Variants in CORO2B observed in about 807,000 individuals in gnomAD.
CORO2B encodes coronin 2B, also known as coronin-2B.
A neutral mutation model predicts 58.8 loss-of-function variants in CORO2B; 26 were observed. That is an observed-to-expected ratio of 0.44 (90% CI 0.32 to 0.61). The LOEUF (loss-of-function observed/expected upper bound fraction) is 0.61, where lower values mean the gene tolerates loss of function less well. Among genes scored for constraint, CORO2B ranks in the 20% least tolerant of loss-of-function variants. The probability of loss-of-function intolerance (pLI) is 0.04; values close to 1 mark genes in which losing one functional copy is unlikely to be tolerated. For synonymous variants in CORO2B, 242 were observed against 253.8 expected (o/e 0.95, Z 0.44); for missense variants, 460 against 645.1 (o/e 0.71, Z 3.11).
rs993478500 is a variant in CORO2B, at chr15:68,680,383, C to T, written c.217-14757C>T. Among the ~76,000 whole-genome samples, 4 of 152,170 alleles carry T rather than the reference C, an allele frequency of 2.6e-5. No homozygotes were observed. The South Asian group carries it at 6.2e-4, about 24-fold the overall frequency. ...TGTGGATAATCTCTTGGGAGGGCAA[C>T]AAACACCCGTGAAATAAAGCAAACA... On this transcript the variant is annotated intron_variant, in intron 2 of 11. Coordinates refer to ENST00000261861, the MANE Select transcript of CORO2B (RefSeq NM_006091.5).
chr15:68,584,669 A>G (rs1899507852), intron 1 of CORO2B, among the ~76,000 whole-genome samples: 1 of 152,176 alleles, frequency 6.6e-6, no homozygotes, highest in African/African-American at 2.4e-5. Context: ...TCTGGTGTCC[A>G]GGAGATGAGA....
In CORO2B at chr15:68,726,305, G is replaced by A. The variant is rs576343529; in HGVS notation, c.*331G>A. The A allele has an allele frequency of 1.5e-5, 5 of 335,916 alleles. No individual in the cohort carries two copies. The highest frequency in any genetic ancestry group is 5.3e-5 in the South Asian group (2 of 37,460). 20.8% of individuals were successfully genotyped at this position (335,916 alleles called of 1,614,324 possible). ...TGGACCAGGAAGCAAGAGGGGAAGC[G>A]GGATCCCAGCTAGACTTAGAACTTG... On this transcript the variant is annotated 3_prime_UTR_variant, in exon 12 of 12. Coordinates refer to ENST00000261861, the MANE Select transcript of CORO2B (RefSeq NM_006091.5).
rs71455600 is a variant in CORO2B, at chr15:68,669,187, GAAGC to G, written c.216+23848_216+23851del. Reference sequence around the variant, plus strand: ...AAGAAAGAAAAGAAAAGAAAGAAAGGAAGCAAGCAAGCAAGCAAGCAAGCCGGAG... The same window carrying G: ...AAGAAAGAAAAGAAAAGAAAGAAAGGAAGCAAGCAAGCAAGCAAGCCGGAG... On this transcript the variant is annotated intron_variant, in intron 2 of 11. Transcript: ENST00000261861. Among the ~76,000 whole-genome samples the G allele has an allele frequency of 7.9e-3, 1,196 of 151,650 alleles. 10 individuals are homozygous for G. The highest frequency in any genetic ancestry group is 0.019 in the African/African-American group (793 of 41,334).
intron 2 of CORO2B, among the ~76,000 whole-genome samples, chr15:68,688,174 G>A (rs1318527807): frequency 1.3e-5 from 2 of 152,148 alleles, no homozygotes; most frequent in Non-Finnish European, 2.9e-5. Context: ...TTCAATCAAG[G>A]CTATGGGAGG....
intron 11 of CORO2B, among the ~76,000 whole-genome samples, chr15:68,720,570 A>T (rs1893137154): frequency 6.6e-6 from 1 of 152,210 alleles, no homozygotes; most frequent in East Asian, 1.9e-4. Flanking sequence ...TGCTGCTAGG[A>T]CTCATGTCCT....
intron 1 of CORO2B, among the ~76,000 whole-genome samples, chr15:68,582,717 C>T (rs985927033): frequency 2.0e-5 from 3 of 152,168 alleles, no homozygotes; most frequent in Admixed American, 6.5e-5. Context: ...CCTTGCAACC[C>T]GCTTTGTACT....
chr15:68,575,342 CT>C (rs147492952), upstream of CORO2B, among the ~76,000 whole-genome samples: 31,151 of 143,228 alleles, frequency 0.22, 4,050 homozygotes, highest in Middle Eastern at 0.39. Context: ...ACACCTTTTT[CT>C]TTTTTTTTTT....
intron 2 of CORO2B, among the ~76,000 whole-genome samples, chr15:68,671,536 T>C (rs1902394610): frequency 1.3e-5 from 2 of 152,240 alleles, no homozygotes; most frequent in African/African-American, 2.4e-5. Context: ...AAAATGTGGC[T>C]GGGTAGTTCT....
intron 1 of CORO2B, among the ~76,000 whole-genome samples, chr15:68,605,298 AT>A (rs1900082100): frequency 6.6e-6 from 1 of 152,220 alleles, no homozygotes; most frequent in Non-Finnish European, 1.5e-5. Flanking sequence ...AGCCATAAAA[AT>A]GTCCATATCC....
chr15:68,605,926 A>G (rs1379095386), intron 1 of CORO2B, among the ~76,000 whole-genome samples: 5 of 151,960 alleles, frequency 3.3e-5, no homozygotes, highest in Non-Finnish European at 5.9e-5. Context: ...GGGTTTCACC[A>G]TGTTGGTCAG....
chr15:68,531,500 AAAGGAAGGAAGGAAGGAAGGAAGGAAGG>A, the CORO2B span, among the ~76,000 whole-genome samples: 69 of 113,852 alleles, frequency 6.1e-4, no homozygotes, highest in African/African-American at 1.0e-3. Context: ...GTATCTCAAA[AAAGGAAGGAAGGAAGGAAGGAAGGAAGG>A]AAGGAAGGAA....
chr15:68,520,945 A>G, the CORO2B span, among the ~76,000 whole-genome samples: 16 of 152,172 alleles, frequency 1.1e-4, no homozygotes, highest in African/African-American at 3.9e-4. Context: ...GCTACTTGGG[A>G]GGCTGAAGCA....
chr15:68,625,068 C>A (rs1900637571), intron 1 of CORO2B, among the ~76,000 whole-genome samples: 1 of 152,192 alleles, frequency 6.6e-6, no homozygotes, highest in Non-Finnish European at 1.5e-5. Flanking sequence ...ACTGTATGCC[C>A]AGGGTCCCTT....
intron 1 of CORO2B, among the ~76,000 whole-genome samples, chr15:68,635,365 C>T (rs1425712767): frequency 6.6e-6 from 1 of 152,220 alleles, no homozygotes; most frequent in Non-Finnish European, 1.5e-5. Flanking sequence ...AGCTCCACCG[C>T]CCCTCTCTGC....
At chr15:68,595,581 G>A (rs1899805760) in intron 1 of CORO2B, among the ~76,000 whole-genome samples, 1 of 152,202 alleles carries the variant, frequency 6.6e-6, no homozygotes, top group African/African-American at 2.4e-5. Flanking sequence ...TCTGTTCTCA[G>A]CTCTGTGACT....
chr15:68,589,910 G>A (rs62002124), intron 1 of CORO2B, among the ~76,000 whole-genome samples: 8,603 of 152,296 alleles, frequency 0.056, 298 homozygotes, highest in Non-Finnish European at 0.081. Context: ...GGCTGCCCAG[G>A]CCTGGCAGTG....
chr15:68,534,935 C>A, the CORO2B span, among the ~76,000 whole-genome samples: 1 of 152,156 alleles, frequency 6.6e-6, no homozygotes, highest in Non-Finnish European at 1.5e-5. Flanking sequence ...AGCATTAGAT[C>A]TTGTGAGACT....
chr15:68,549,196 G>A, the CORO2B span, among the ~76,000 whole-genome samples: 1 of 152,152 alleles, frequency 6.6e-6, no homozygotes, highest in African/African-American at 2.4e-5. Context: ...TTCATGTATT[G>A]GTATATTACC....
the CORO2B span, among the ~76,000 whole-genome samples, chr15:68,530,066 T>C: frequency 6.6e-6 from 1 of 152,240 alleles, no homozygotes; most frequent in Non-Finnish European, 1.5e-5. Flanking sequence ...GGCTCATGCC[T>C]GTAATCCCCG....
Sources: allele counts gnomAD v4.1 joint callset (sites outside exome capture counted in the v4.1 genomes callset), GRCh38; gene constraint gnomAD v4.1.1; transcripts MANE v1.5; gene names NCBI Gene and HGNC (gene_info 2026-07-23, HGNC 2026-07-21).